Variants in LSAMP observed in about 807,000 individuals in gnomAD.
LSAMP encodes the protein limbic system-associated membrane protein.
In LSAMP, 7 loss-of-function variants were observed where a neutral mutation model predicts 38.6. The ratio of observed to expected loss-of-function variants is 0.18; its 90% CI spans 0.10 to 0.34. The LOEUF is 0.34. Ranked by LOEUF, LSAMP falls within the 10% of genes least tolerant of loss-of-function variation. The pLI, the probability that LSAMP is intolerant of heterozygous loss-of-function variation, is 1.00. For synonymous variants in LSAMP, 154 were observed against 166.8 expected (o/e 0.92, Z 0.59); for missense variants, 313 against 420.0 (o/e 0.75, Z 2.23).
chr3:116,410,436 A>T (rs1271694592), intron 1 of LSAMP, among the ~76,000 whole-genome samples: 2 of 151,942 alleles, frequency 1.3e-5, no homozygotes, highest in Non-Finnish European at 2.9e-5. Flanking sequence ...GCTAGAATCC[A>T]CCTCTAAAAG....
At chr3:116,188,964 T>A (rs1212817109) in intron 1 of LSAMP, among the ~76,000 whole-genome samples, 1 of 152,238 alleles carries the variant, frequency 6.6e-6, no homozygotes, top group East Asian at 1.9e-4. Context: ...TGCATTTTAT[T>A]CATTAATGCA....
At position 115,952,099 on chromosome 3, in the gene LSAMP, C is replaced by A. The variant is rs536566548; in HGVS notation, c.514+67416G>T. The stretch of plus-strand genomic sequence containing the variant: ...TGGAATGAATGTGGTGAAAAGGGAA[C>A]ACTTTTACACTGCTGGTGGGAATGT... On this transcript the variant is annotated intron_variant, in intron 3 of 6. Transcript: ENST00000490035. Among the ~76,000 whole-genome samples, 4 of 152,246 alleles carry A rather than the reference C, an allele frequency of 2.6e-5. No individual in the cohort carries two copies. In the East Asian group the frequency reaches 5.8e-4, roughly 22 times the overall value.
Position 116,121,885 on chromosome 3 carries a change from A to ATT in LSAMP, c.156-35331_156-35330dup, listed in dbSNP as rs57411929. The stretch of plus-strand genomic sequence containing the variant: ...TAAAACATTATGAGATTTTTTTGTG[A>ATT]TTTTTTTTTTTTTTTTTTTAGCTCA... On this transcript the variant is annotated intron_variant, in intron 1 of 6. Coordinates refer to ENST00000490035, the MANE Select transcript of LSAMP (RefSeq NM_002338.5). Among the ~76,000 whole-genome samples, 776 of 136,796 alleles carry ATT rather than the reference A, an allele frequency of 5.7e-3. 2 individuals are homozygous for ATT. The highest frequency in any genetic ancestry group is 9.4e-3 in the South Asian group (39 of 4,160). The allele number at this position is 136,796 out of a possible 152,430, so 89.7% of individuals were successfully genotyped here.
intron 1 of LSAMP, among the ~76,000 whole-genome samples, chr3:116,219,800 A>G (rs968041014): frequency 7.2e-5 from 11 of 152,214 alleles, no homozygotes; most frequent in Non-Finnish European, 2.9e-5. Flanking sequence ...CAAATAAGCT[A>G]GGTATCTGAA....
chr3:116,310,899 AGAT>A (rs748023487), intron 1 of LSAMP, among the ~76,000 whole-genome samples: 16 of 135,552 alleles, frequency 1.2e-4, no homozygotes, highest in South Asian at 1.0e-3. Context: ...GTGAGGAGGA[AGAT>A]GATGATAAGT....
chr3:116,400,731 G>A (rs1468782214), intron 1 of LSAMP, among the ~76,000 whole-genome samples: 45 of 152,222 alleles, frequency 3.0e-4, no homozygotes, highest in Non-Finnish European at 1.6e-4. Context: ...ACCCGCCTCG[G>A]CCTCCCAAAG....
chr3:116,059,837 G>A (rs1388957081), intron 2 of LSAMP, among the ~76,000 whole-genome samples: 1 of 152,182 alleles, frequency 6.6e-6, no homozygotes, highest in African/African-American at 2.4e-5. Flanking sequence ...GTGCTTGTCT[G>A]AGTCACCAGG....
chr3:116,247,777 A>G (rs1217794553), intron 1 of LSAMP, among the ~76,000 whole-genome samples: 2 of 152,212 alleles, frequency 1.3e-5, no homozygotes, highest in Non-Finnish European at 2.9e-5. Flanking sequence ...ATTAATGTAC[A>G]GTTGAATTGT....
chr3:116,225,698 A>G (rs2046334907), intron 1 of LSAMP, among the ~76,000 whole-genome samples: 2 of 152,154 alleles, frequency 1.3e-5, no homozygotes, highest in African/African-American at 4.8e-5. Flanking sequence ...ACATGGCAAA[A>G]TAATAGCAGT....
chr3:116,304,810 G>C (rs1315784574), intron 1 of LSAMP, among the ~76,000 whole-genome samples: 1 of 152,074 alleles, frequency 6.6e-6, no homozygotes, highest in Non-Finnish European at 1.5e-5. Context: ...ATGTGATGCT[G>C]AAGTAGATTG....
chr3:115,986,590 T>C (rs1939515771), intron 3 of LSAMP, among the ~76,000 whole-genome samples: 1 of 151,668 alleles, frequency 6.6e-6, no homozygotes, highest in Admixed American at 6.6e-5. Context: ...GTGCAGCCCC[T>C]AAGGAAAGCA....
chr3:115,870,193 T>A (rs750180801), intron 3 of LSAMP, among the ~76,000 whole-genome samples: 109 of 152,244 alleles, frequency 7.2e-4, no homozygotes, highest in Middle Eastern at 3.4e-3. Flanking sequence ...AGAGACCCTA[T>A]GGCCCACAAA....
intron 1 of LSAMP, among the ~76,000 whole-genome samples, chr3:116,108,999 G>A (rs1161650209): frequency 1.3e-5 from 2 of 152,232 alleles, no homozygotes; most frequent in East Asian, 1.9e-4. Flanking sequence ...ATTTAATGTC[G>A]GGAGCAGATT....
In LSAMP at chr3:115,839,262, T is replaced by TTTCCTTCCTTCCTTCCTTCC. The variant is rs1192339424; in HGVS notation, c.919+2563_919+2582dup. On this transcript the variant is annotated intron_variant, in intron 6 of 6. Transcript: ENST00000490035. ...CTTTCCTTCCTTCCTTCCTTCTTTC[T>TTTCCTTCCTTCCTTCCTTCC]TTCCTTCCTTCCTTCCTTCCTTCCT... is the stretch of plus-strand genomic sequence containing the variant. 3.3e-3 allele frequency among the ~76,000 whole-genome samples: 256 copies of TTTCCTTCCTTCCTTCCTTCC among 78,640 alleles called. 1 individual carries two copies. Among genetic ancestry groups the TTTCCTTCCTTCCTTCCTTCC allele is most frequent in the Admixed American group, 4.7e-3 (30 of 6,422 alleles). 51.6% of individuals were successfully genotyped at this position (78,640 alleles called of 152,430 possible).
intron 1 of LSAMP, among the ~76,000 whole-genome samples, chr3:116,319,348 A>T (rs556440823): frequency 6.6e-6 from 1 of 152,114 alleles, no homozygotes; most frequent in East Asian, 1.9e-4. Context: ...GTCAGGCATC[A>T]CCCCAGATTC....
chr3:116,129,681 C>A (rs1260148482), intron 1 of LSAMP, among the ~76,000 whole-genome samples: 1 of 152,222 alleles, frequency 6.6e-6, no homozygotes, highest in Non-Finnish European at 1.5e-5. Context: ...TTCCAGTGGT[C>A]ATAGCACAAA....
intron 3 of LSAMP, among the ~76,000 whole-genome samples, chr3:116,009,272 G>A (rs544880177): frequency 1.4e-4 from 22 of 152,204 alleles, no homozygotes; most frequent in Admixed American, 5.9e-4. Context: ...TAGAGCAGCA[G>A]TGCTCACATT....
chr3:116,212,357 T>G (rs746877015), intron 1 of LSAMP, among the ~76,000 whole-genome samples: 1 of 152,168 alleles, frequency 6.6e-6, no homozygotes, highest in Admixed American at 6.5e-5. Context: ...TATGGCAATA[T>G]CATAGTGTTT....
At chr3:115,936,863 G>C (rs1937720523) in intron 3 of LSAMP, among the ~76,000 whole-genome samples, 1 of 152,108 alleles carries the variant, frequency 6.6e-6, no homozygotes, top group Non-Finnish European at 1.5e-5. Context: ...TAGGAAGTTT[G>C]GGGAAATGCA....
Sources: allele counts gnomAD v4.1 joint callset (sites outside exome capture counted in the v4.1 genomes callset), GRCh38; gene constraint gnomAD v4.1.1; transcripts MANE v1.5; gene names NCBI Gene and HGNC (gene_info 2026-07-23, HGNC 2026-07-21).